Variants in GRID1 observed in about 807,000 individuals in gnomAD.
GRID1 encodes the protein glutamate receptor ionotropic, delta-1.
In GRID1, 28 loss-of-function variants were observed where a neutral mutation model predicts 98.0. The observed-to-expected ratio is 0.29, with a 90% CI of 0.21 to 0.39. The LOEUF (loss-of-function observed/expected upper bound fraction) is 0.39. GRID1 is among the 10% of genes least tolerant of loss of function. GRID1 has a pLI of 1.00. For missense variants in GRID1, 1,111 were observed against 1,340.5 expected (o/e 0.83, Z 2.67); for synonymous variants, 553 against 538.5 (o/e 1.03, Z -0.37).
intron 15 of GRID1, among the ~76,000 whole-genome samples, chr10:85,609,103 G>A (rs918799338): frequency 1.3e-5 from 2 of 152,196 alleles, no homozygotes; most frequent in Non-Finnish European, 2.9e-5. Flanking sequence ...AAAGGACAGT[G>A]CCCTGGCCTT....
chr10:86,172,644 G>A (rs1220622286), intron 3 of GRID1, among the ~76,000 whole-genome samples: 2 of 152,078 alleles, frequency 1.3e-5, no homozygotes, highest in Non-Finnish European at 2.9e-5. Context: ...AATCTGTCCA[G>A]GAAACTCGAT....
chr10:86,121,769 C>T (rs140420682), intron 4 of GRID1, among the ~76,000 whole-genome samples: 377 of 152,312 alleles, frequency 2.5e-3, no homozygotes, highest in South Asian at 4.1e-3. Flanking sequence ...TGTAGTCCTG[C>T]CACTATCCCT....
intron 2 of GRID1, among the ~76,000 whole-genome samples, chr10:86,240,040 A>C (rs999210476): frequency 5.3e-5 from 8 of 152,304 alleles, no homozygotes; most frequent in Non-Finnish European, 1.0e-4. Flanking sequence ...GCCATCTACA[A>C]TCTAAGGAGA....
At chr10:86,180,306 C>A (rs1845637052) in intron 3 of GRID1, among the ~76,000 whole-genome samples, 2 of 152,130 alleles carry the variant, frequency 1.3e-5, no homozygotes. Context: ...ATTTTACCGA[C>A]AAATGGCATA....
chr10:85,975,780 GCTCT>G lies in GRID1; in HGVS notation c.727-59545_727-59542del, dbSNP rs142038661. 2.8e-4 allele frequency among the ~76,000 whole-genome samples: 42 copies of G among 152,110 alleles called. 1 individual carries two copies. Among genetic ancestry groups the G allele is most frequent in the Admixed American group, 2.0e-4 (3 of 15,270 alleles). ...CAAGAAAATCGACCCTCAAGGTCAAGCTCTCTCTCTCAGAGGCCACCTTTCCCAA... is the reference window on the plus strand; with the variant it reads ...CAAGAAAATCGACCCTCAAGGTCAAGCTCTCTCAGAGGCCACCTTTCCCAA... On this transcript the variant is annotated intron_variant, in intron 4 of 15. Coordinates refer to ENST00000327946, the MANE Select transcript of GRID1 (RefSeq NM_017551.3).
At chr10:85,887,843 T>C (rs923354497) in intron 5 of GRID1, among the ~76,000 whole-genome samples, 4 of 152,150 alleles carry the variant, frequency 2.6e-5, no homozygotes, top group African/African-American at 4.8e-5. Flanking sequence ...GTCCTCCTTA[T>C]CCATCTAACT....
At chr10:86,258,003 ATGGTGCTGGT>A (rs1846951719) in intron 2 of GRID1, among the ~76,000 whole-genome samples, 1 of 152,126 alleles carries the variant, frequency 6.6e-6, no homozygotes. Context: ...GCCACCAACC[ATGGTGCTGGT>A]TGGTGTCCCG....
In GRID1 at chr10:85,875,694, G is replaced by C. The variant is rs1379507315; in HGVS notation, c.781-6514C>G. On this transcript the variant is annotated intron_variant, in intron 5 of 15. Transcript: ENST00000327946. ...ATATGCATATCTAATAAAGTGTGAAGTTAATCAGTATTTTTACTCTCTTCT... is the reference window on the plus strand; with the variant it reads ...ATATGCATATCTAATAAAGTGTGAACTTAATCAGTATTTTTACTCTCTTCT... Among the ~76,000 whole-genome samples the C allele has an allele frequency of 3.3e-5, 5 of 152,264 alleles. No individual in the cohort carries two copies. In the South Asian group the frequency reaches 1.0e-3, roughly 32 times the overall value.
intron 4 of GRID1, among the ~76,000 whole-genome samples, chr10:86,002,617 C>T (rs1842814923): frequency 6.6e-6 from 1 of 152,154 alleles, no homozygotes; most frequent in Non-Finnish European, 1.5e-5. Flanking sequence ...CTTACAACCC[C>T]CCAGACTCAG....
chr10:86,193,521 C>A (rs1845833481), intron 3 of GRID1, among the ~76,000 whole-genome samples: 1 of 151,368 alleles, frequency 6.6e-6, no homozygotes, highest in South Asian at 2.1e-4. Context: ...GGCTTGTGGG[C>A]ACACCAGAGC....
At chr10:85,722,814 T>C (rs1402936904) in intron 12 of GRID1, among the ~76,000 whole-genome samples, 189 bp downstream of exon 12, 5 of 152,286 alleles carry the variant, frequency 3.3e-5, no homozygotes, top group Middle Eastern at 3.4e-3. Flanking sequence ...AATTTATACA[T>C]TTATGTAATT....
intron 4 of GRID1, among the ~76,000 whole-genome samples, chr10:85,951,995 T>C (rs1475288983): frequency 6.6e-6 from 1 of 152,212 alleles, no homozygotes; most frequent in Admixed American, 6.5e-5. Flanking sequence ...TCTCAATAAA[T>C]AAAGTGCTCA....
chr10:85,729,892 A>C (rs1841804252), intron 8 of GRID1, among the ~76,000 whole-genome samples: 1 of 152,216 alleles, frequency 6.6e-6, no homozygotes, highest in South Asian at 2.1e-4. Context: ...ACAAATGTTT[A>C]TGTCCAGTTT....
chr10:85,829,883 T>A (rs1016491798), intron 8 of GRID1, among the ~76,000 whole-genome samples: 3 of 151,944 alleles, frequency 2.0e-5, no homozygotes, highest in African/African-American at 7.2e-5. Flanking sequence ...GATGCCATGC[T>A]ACTGTGCAAT....
intron 2 of GRID1, among the ~76,000 whole-genome samples, chr10:86,229,914 T>C (rs1272065424): frequency 5.3e-5 from 8 of 152,180 alleles, no homozygotes; most frequent in Non-Finnish European, 1.0e-4. Flanking sequence ...CCTCAGGCAG[T>C]CACTCCACCA....
chr10:86,230,831 T>C (rs775552515), intron 2 of GRID1, among the ~76,000 whole-genome samples: 1 of 152,158 alleles, frequency 6.6e-6, no homozygotes, highest in Non-Finnish European at 1.5e-5. Context: ...AGCAGGATCA[T>C]GTCCAACCCA....
intron 8 of GRID1, among the ~76,000 whole-genome samples, chr10:85,761,791 C>G (rs1488704594): frequency 6.6e-6 from 1 of 152,114 alleles, no homozygotes; most frequent in Non-Finnish European, 1.5e-5. Context: ...GCCAGACAGT[C>G]CCTATGCCAT....
At chr10:85,822,704 T>C (rs1227404244) in intron 8 of GRID1, among the ~76,000 whole-genome samples, 1 of 152,150 alleles carries the variant, frequency 6.6e-6, no homozygotes, top group South Asian at 2.1e-4. Flanking sequence ...ACCCAAAAGA[T>C]TATAAATCAT....
At chr10:86,066,232 G>A (rs1030373792) in intron 4 of GRID1, among the ~76,000 whole-genome samples, 10 of 152,138 alleles carry the variant, frequency 6.6e-5, no homozygotes, top group South Asian at 2.1e-4. Context: ...CCAGAGAGAC[G>A]AATTCAGGGA....
Sources: allele counts gnomAD v4.1 joint callset (sites outside exome capture counted in the v4.1 genomes callset), GRCh38; gene constraint gnomAD v4.1.1; transcripts MANE v1.5; gene names NCBI Gene and HGNC (gene_info 2026-07-23, HGNC 2026-07-21).